KIF13B: variants seen among roughly 807,000 people sequenced by gnomAD.
The protein encoded by KIF13B is kinesin-like protein KIF13B.
In KIF13B, 127 loss-of-function variants were observed where a neutral mutation model predicts 222.0. That is an observed-to-expected ratio of 0.57 (90% confidence interval 0.50 to 0.66). The LOEUF is 0.66. KIF13B is among the 30% of genes least tolerant of loss of function. The probability of loss-of-function intolerance (pLI) is 0.00; values close to 1 mark genes in which losing one functional copy is unlikely to be tolerated. For missense variants in KIF13B, 2,173 were observed against 2,379.0 expected, an observed-to-expected ratio of 0.91 and a Z score of 1.80; for synonymous variants, 976 against 919.0, an observed-to-expected ratio of 1.06 and a Z score of -1.12.
chr8:29,070,274 A>C lies in KIF13B; in HGVS notation c.*230T>G. The stretch of plus-strand genomic sequence containing the variant: ...CCCCCAGCCCCTGCGGGCACCCAGA[A>C]CCTTCCATCCACCTGAGGAGGCACA... On this transcript the variant is annotated 3_prime_UTR_variant, in exon 40 of 40. Transcript: ENST00000524189. The surrounding 1 kb of genome is among the most constrained non-coding windows in gnomAD (Gnocchi z 4.1). 1 of 577,770 alleles carries C rather than the reference A, an allele frequency of 1.7e-6. No homozygotes were observed. Among genetic ancestry groups the C allele is most frequent in the Non-Finnish European group, 3.0e-6 (1 of 329,148 alleles). 35.8% of individuals were successfully genotyped at this position (577,770 alleles called of 1,614,324 possible).
intron 29 of KIF13B, among the ~76,000 whole-genome samples, chr8:29,120,034 A>G (rs1035504315): frequency 2.6e-5 from 4 of 152,230 alleles, no homozygotes; most frequent in Non-Finnish European, 5.9e-5. Context: ...ACTTATTTTT[A>G]GATCCTTAAT....
At chr8:29,122,115 G>T (rs1444251854) in intron 29 of KIF13B, among the ~76,000 whole-genome samples, 2 of 152,032 alleles carry the variant, frequency 1.3e-5, no homozygotes, top group African/African-American at 4.8e-5. Flanking sequence ...TTAGCCGGGC[G>T]TGGTGGCACA....
rs1317301362 is a variant in KIF13B at position 29,106,338 on chromosome 8, A to T, written c.4215+1801T>A. ...GCAAACTACTAATAATCTAGATCTT[A>T]AAAGAGTCTACAGCCAGCAGCAGTG... On this transcript the variant is annotated intron_variant, in intron 35 of 39. Transcript: ENST00000524189. Among the ~76,000 whole-genome samples the T allele has an allele frequency of 2.6e-5, 4 of 151,948 alleles. No homozygotes were observed. In the East Asian group the frequency reaches 7.7e-4, roughly 29 times the overall value.
intron 2 of KIF13B, among the ~76,000 whole-genome samples, chr8:29,218,367 G>A (rs530881267): frequency 1.3e-5 from 2 of 152,284 alleles, no homozygotes; most frequent in South Asian, 2.1e-4. Context: ...ATGTCCAGAC[G>A]CCACTTTTCC....
At chr8:29,158,229 A>C (rs969871670) in intron 13 of KIF13B, among the ~76,000 whole-genome samples, 2 of 152,166 alleles carry the variant, frequency 1.3e-5, no homozygotes, top group Admixed American at 1.3e-4. Context: ...CATGACACTG[A>C]CTGACTGTGG....
At chr8:29,119,080 T>C (rs948659846) in intron 29 of KIF13B, 88 bp from the exon 30 acceptor site, 1 of 1,350,070 alleles carries the variant, frequency 7.4e-7, no homozygotes, top group Non-Finnish European at 1.0e-6. Flanking sequence ...ATTACAATTC[T>C]TCTGCTTCAA....
At chr8:29,091,483 A>T (rs1808298316) in intron 37 of KIF13B, among the ~76,000 whole-genome samples, 1 of 152,362 alleles carries the variant, frequency 6.6e-6, no homozygotes, top group Middle Eastern at 3.4e-3. Context: ...AATAAGAATC[A>T]CCACAGACAG....
intron 26 of KIF13B, among the ~76,000 whole-genome samples, chr8:29,125,621 G>A (rs1331382809): frequency 1.3e-5 from 2 of 152,064 alleles, no homozygotes; most frequent in East Asian, 3.8e-4. Context: ...GCAAAACCAG[G>A]AAAGTGACTA....
At position 29,067,292 on chromosome 8, in the gene KIF13B, G is replaced by C. The variant is rs1807042447; in HGVS notation, c.*3212C>G. 6.6e-6 allele frequency: 1 copy of C among 152,514 alleles called. No individual in the cohort carries two copies. Among genetic ancestry groups the C allele is most frequent in the Admixed American group, 6.5e-5 (1 of 15,286 alleles). The allele number at this position is 152,514 out of a possible 1,614,324, so 9.4% of individuals were successfully genotyped here. A position where few individuals can be genotyped will look rare whatever the true frequency, so the allele number is the denominator to read the frequency against. ...CTCAGACATGATGCAGGTGAGAAAT[G>C]GTCTGGTTTTATTGAGAAGCTGTTG... is the stretch of plus-strand genomic sequence containing the variant. On this transcript the variant is annotated 3_prime_UTR_variant, in exon 40 of 40. Transcript: ENST00000524189.
chr8:29,203,618 T>C (rs12334561), intron 2 of KIF13B, among the ~76,000 whole-genome samples: 27,427 of 151,946 alleles, frequency 0.18, 2,715 homozygotes, highest in African/African-American at 0.24. Context: ...ATGCGCCAGG[T>C]GCGGTGGCTC....
chr8:29,207,499 C>T (rs1030969870), intron 2 of KIF13B, among the ~76,000 whole-genome samples: 1 of 152,042 alleles, frequency 6.6e-6, no homozygotes, highest in Non-Finnish European at 1.5e-5. Context: ...GCTTATTGGA[C>T]GTGACATGAA....
At chr8:29,072,410 G>C in intron 38 of KIF13B, 94 bp from the exon 39 acceptor site, 1 of 812,432 alleles carries the variant, frequency 1.2e-6, no homozygotes, top group Non-Finnish European at 1.7e-6. Context: ...CATGAGGCCA[G>C]GGGCAGTGGC....
chr8:29,127,331 A>G, intron 24 of KIF13B, 63 bp from the exon 25 acceptor site: 1 of 1,459,576 alleles, frequency 6.9e-7, no homozygotes, highest in South Asian at 1.2e-5. Context: ...TTTGATTTAG[A>G]GAGACCCCTA....
Position 29,222,981 on chromosome 8 carries a change from G to T in KIF13B, c.149+22365C>A, listed in dbSNP as rs116470156. 2.9e-3 allele frequency among the ~76,000 whole-genome samples: 435 copies of T among 152,078 alleles called. 2 individuals are homozygous for T. The highest frequency in any genetic ancestry group is 0.01 in the African/African-American group (415 of 41,468). ...ATCTAACAATTTGACATATAATCTA[G>T]AAAGCAGCTTTATGATCAAAAATTG... On this transcript the variant is annotated intron_variant, in intron 2 of 39. Transcript: ENST00000524189.
At chr8:29,223,679 T>C (rs1022732054) in intron 2 of KIF13B, among the ~76,000 whole-genome samples, 11 of 152,226 alleles carry the variant, frequency 7.2e-5, no homozygotes, top group Non-Finnish European at 1.5e-5. Context: ...TCTGGTATAT[T>C]GTATTTTTGA....
rs1157157989 is a variant in KIF13B, at chr8:29,148,762, T to C, written c.1628A>G (p.Asn543Ser). 1.3e-6 allele frequency: 2 copies of C among 1,592,766 alleles called. No homozygotes were observed. Among genetic ancestry groups the C allele is most frequent in the Non-Finnish European group, 8.5e-7 (1 of 1,170,012 alleles). The change falls in exon 16 of 40, where the codon AAT (asparagine) becomes AGT (serine). Residue 543 changes from asparagine (N) to serine (S), a missense_variant. By Grantham distance (46) the Asn-to-Ser change is conservative. This residue lies in a region of KIF13B where 1,480 missense variants were observed against 1,722.8 expected (regional missense o/e 0.86). Transcript: ENST00000524189. Reference protein sequence around the residue: ...LWGNNHFFRLNLPKKKKKAER... With the variant: ...LWGNNHFFRLSLPKKKKKAER... ...TGCTTTCTTTTTCTTTTTAGGCAAATTGAGTCTTGGTGGGAAAAAGAGTAT... is the reference window on the plus strand; with the variant it reads ...TGCTTTCTTTTTCTTTTTAGGCAAACTGAGTCTTGGTGGGAAAAAGAGTAT...
intron 1 of KIF13B, among the ~76,000 whole-genome samples, chr8:29,253,238 G>T (rs1487631011): frequency 6.6e-6 from 1 of 152,078 alleles, no homozygotes; most frequent in Non-Finnish European, 1.5e-5. Flanking sequence ...CAGCTTCTCA[G>T]GAGGCTGAGA....
intron 37 of KIF13B, among the ~76,000 whole-genome samples, chr8:29,091,125 A>G (rs1430352840): frequency 2.0e-5 from 3 of 152,234 alleles, no homozygotes; most frequent in African/African-American, 7.2e-5. Flanking sequence ...GAGTAAATGA[A>G]TAAAAATTGC....
At position 29,116,970 on chromosome 8, in the gene KIF13B, C is replaced by T; in HGVS notation, c.3698G>A (p.Gly1233Asp). 1 of 1,604,632 alleles carries T rather than the reference C, an allele frequency of 6.2e-7. No homozygotes were observed. The highest frequency in any genetic ancestry group is 8.5e-7 in the Non-Finnish European group (1 of 1,173,310). Residue 1233 changes from glycine (G) to aspartate (D), a missense_variant, in exon 31 of 40, where the codon GGC (glycine) becomes GAC (aspartate). Around this residue, in one of 2 missense-constraint regions of KIF13B, gnomAD observed 1,480 missense variants for 1,722.8 expected, o/e 0.86. Transcript: ENST00000524189. Reference protein sequence around the residue: ...AEASWDSAVHGCPQLSRGTPV... With the variant: ...AEASWDSAVHDCPQLSRGTPV... The stretch of plus-strand genomic sequence containing the variant: ...CGTGCCCCTGCTGAGCTGAGGGCAG[C>T]CATGCACCGCGGAGTCCCAGGAGGC...
Sources: allele counts gnomAD v4.1 joint callset (sites outside exome capture counted in the v4.1 genomes callset), GRCh38; gene constraint gnomAD v4.1.1; regional missense constraint gnomAD v4.1.1; non-coding constraint Gnocchi (gnomAD v3.1); transcripts MANE v1.5; gene names NCBI Gene and HGNC (gene_info 2026-07-23, HGNC 2026-07-21).